SAMD8: variants seen among roughly 807,000 people sequenced by gnomAD.
SAMD8 encodes the protein sterile alpha motif domain containing 8.
In SAMD8, 20 loss-of-function variants were observed where a neutral mutation model predicts 42.0. The observed-to-expected ratio is 0.48, with a 90% CI of 0.34 to 0.69. The LOEUF (loss-of-function observed/expected upper bound fraction) is 0.69. Among genes scored for constraint, SAMD8 ranks in the 30% least tolerant of loss-of-function variants. SAMD8 has a pLI of 0.01. For missense variants in SAMD8, 328 were observed against 511.6 expected, an observed-to-expected ratio of 0.64 and a Z score of 3.46; for synonymous variants, 162 against 173.0, an observed-to-expected ratio of 0.94 and a Z score of 0.50.
upstream of SAMD8, chr10:75,109,142 G>A (rs1024198454): frequency 3.7e-6 from 6 of 1,600,384 alleles, no homozygotes; most frequent in Non-Finnish European, 4.3e-6. Context: ...AGCTCTGGGA[G>A]AGAGGTCTCA....
intron 1 of SAMD8, among the ~76,000 whole-genome samples, chr10:75,145,159 T>C (rs947369995): frequency 1.3e-5 from 2 of 152,140 alleles, no homozygotes; most frequent in South Asian, 4.1e-4. Flanking sequence ...TTGCTCAGGC[T>C]GACCTTGAAC....
intron 1 of SAMD8, among the ~76,000 whole-genome samples, chr10:75,129,810 G>A (rs1340009378): frequency 2.6e-5 from 4 of 152,100 alleles, no homozygotes; most frequent in East Asian, 1.9e-4. Flanking sequence ...GTTAAGAGTA[G>A]AGGAAATAAA....
intron 1 of SAMD8, among the ~76,000 whole-genome samples, chr10:75,148,642 C>T (rs1207620613): frequency 2.0e-5 from 3 of 152,090 alleles, no homozygotes; most frequent in Non-Finnish European, 4.4e-5. Flanking sequence ...CGTGAGCCAC[C>T]GCGCCCGGCC....
At chr10:75,151,442 C>T (rs552802031) in intron 2 of SAMD8, among the ~76,000 whole-genome samples, 50 of 151,940 alleles carry the variant, frequency 3.3e-4, no homozygotes, top group African/African-American at 1.1e-3. Context: ...CAGTCTCAAC[C>T]TCCCGGGCTC....
chr10:75,102,360 G>A (rs1046400609), intron 1 of SAMD8, among the ~76,000 whole-genome samples: 12 of 151,834 alleles, frequency 7.9e-5, no homozygotes, highest in Non-Finnish European at 2.9e-5. Context: ...GGAGAATGGC[G>A]TGAACCCGGG....
At chr10:75,115,797 C>T (rs1204134088) in intron 1 of SAMD8, among the ~76,000 whole-genome samples, 3 of 152,066 alleles carry the variant, frequency 2.0e-5, no homozygotes, top group South Asian at 2.1e-4. Flanking sequence ...AAAAATTAGC[C>T]GGGCCTCGTG....
intron 2 of SAMD8, among the ~76,000 whole-genome samples, chr10:75,155,378 A>G (rs1205076907): frequency 1.3e-5 from 2 of 152,156 alleles, no homozygotes; most frequent in Non-Finnish European, 2.9e-5. Context: ...GCAGAAGTTC[A>G]GAGAGATTGA....
intron 1 of SAMD8, among the ~76,000 whole-genome samples, chr10:75,121,242 G>A (rs74146290): frequency 0.01 from 1,543 of 152,232 alleles, 25 homozygotes; most frequent in African/African-American, 0.035. Context: ...CTTCTGCAGG[G>A]TCACATAACT....
chr10:75,109,579 G>C (rs1003711152), upstream of SAMD8, among the ~76,000 whole-genome samples: 1 of 152,154 alleles, frequency 6.6e-6, no homozygotes, highest in African/African-American at 2.4e-5. Flanking sequence ...GATCCAGGGT[G>C]CAGAGGAGGT....
chr10:75,120,774 C>CTTTTTTTTTTTTT (rs111866437), intron 1 of SAMD8, among the ~76,000 whole-genome samples: 1 of 80,140 alleles, frequency 1.2e-5, no homozygotes, highest in Non-Finnish European at 2.2e-5. Flanking sequence ...TAATTTCCAT[C>CTTTTTTTTTTTTT]TTTTTTTTTT....
At chr10:75,110,233 A>G (rs1848732971), upstream of SAMD8, among the ~76,000 whole-genome samples, 1 of 152,148 alleles carries the variant, frequency 6.6e-6, no homozygotes, top group African/African-American at 2.4e-5. Context: ...GTTGCCCTAG[A>G]CTTTGAGAGC....
chr10:75,142,330 T>C (rs1427380079), intron 1 of SAMD8, among the ~76,000 whole-genome samples: 2 of 152,200 alleles, frequency 1.3e-5, no homozygotes, highest in African/African-American at 4.8e-5. Context: ...GGTGGTATTA[T>C]TTTAGCTGAT....
intron 2 of SAMD8, among the ~76,000 whole-genome samples, chr10:75,156,807 A>G (rs2132180379): frequency 6.6e-6 from 1 of 152,336 alleles, no homozygotes; most frequent in Admixed American, 6.5e-5. Flanking sequence ...ACCAAGAGCC[A>G]CGTGAAATTT....
chr10:75,159,063 C>CTTTTTTTT (rs530043259), intron 2 of SAMD8, among the ~76,000 whole-genome samples: 1,696 of 133,348 alleles, frequency 0.013, 56 homozygotes, highest in African/African-American at 0.015. Context: ...TTTTCTTTTT[C>CTTTTTTTT]TTTTTTTTTT....
chr10:75,140,118 T>A (rs1839980262), intron 1 of SAMD8, among the ~76,000 whole-genome samples: 1 of 152,258 alleles, frequency 6.6e-6, no homozygotes, highest in African/African-American at 2.4e-5. Context: ...GGTTTGTTTC[T>A]GGACTCTATA....
chr10:75,157,030 G>A (rs1369674513), intron 2 of SAMD8, among the ~76,000 whole-genome samples: 18 of 151,964 alleles, frequency 1.2e-4, no homozygotes, highest in Non-Finnish European at 1.9e-4. Context: ...AACTTACTTC[G>A]GGGAGGGGTT....
rs1841012041 is a variant in SAMD8 at position 75,177,509 on chromosome 10, AT to A, written c.*821del. The stretch of plus-strand genomic sequence containing the variant: ...GCTATAGTTGTTAGATGACAGTTCA[AT>A]TTTATGCTTTTTTAATGGTGTTATT... On this transcript the variant is annotated 3_prime_UTR_variant, in exon 6 of 6. Transcript: ENST00000542569. The A allele has an allele frequency of 6.6e-6, 1 of 152,242 alleles. No individual in the cohort carries two copies. The highest frequency in any genetic ancestry group is 6.5e-5 in the Admixed American group (1 of 15,278). The allele number at this position is 152,242 out of a possible 1,614,324, so 9.4% of individuals were successfully genotyped here.
At chr10:75,148,643 G>A (rs1329315646) in intron 1 of SAMD8, among the ~76,000 whole-genome samples, 2 of 152,092 alleles carry the variant, frequency 1.3e-5, no homozygotes, top group South Asian at 2.1e-4. Context: ...GTGAGCCACC[G>A]CGCCCGGCCG....
chr10:75,152,517 G>A (rs545711674), intron 2 of SAMD8, among the ~76,000 whole-genome samples: 30 of 122,668 alleles, frequency 2.4e-4, no homozygotes, highest in Admixed American at 2.0e-3. Context: ...GCGAGACTCC[G>A]TCTCAAAAAA....
Sources: allele counts gnomAD v4.1 joint callset (sites outside exome capture counted in the v4.1 genomes callset), GRCh38; gene constraint gnomAD v4.1.1; transcripts MANE v1.5; gene names NCBI Gene and HGNC (gene_info 2026-07-23, HGNC 2026-07-21).